HOMER2: variants seen among roughly 807,000 people sequenced by gnomAD.
HOMER2 encodes homer protein homolog 2.
A neutral mutation model predicts 47.0 loss-of-function variants in HOMER2; 27 were observed. The observed-to-expected ratio is 0.57, with a 90% CI of 0.42 to 0.79. HOMER2 has a LOEUF of 0.79. HOMER2 is among the 30% of genes least tolerant of loss of function. The pLI is 0.00. For synonymous variants in HOMER2, 161 were observed against 163.8 expected, an observed-to-expected ratio of 0.98 and a Z score of 0.13; for missense variants, 443 against 435.0, an observed-to-expected ratio of 1.02 and a Z score of -0.16.
chr15:82,967,350 T>C (rs2054683501), intron 1 of HOMER2, among the ~76,000 whole-genome samples: 1 of 152,182 alleles, frequency 6.6e-6, no homozygotes, highest in Admixed American at 6.5e-5. Context: ...GAATAATTTT[T>C]TAGGTATGAT....
At chr15:82,929,923 C>T (rs1328788312) in intron 1 of HOMER2, among the ~76,000 whole-genome samples, 2 of 151,528 alleles carry the variant, frequency 1.3e-5, no homozygotes. Flanking sequence ...AGAGATGGGG[C>T]TTCTCCATGT....
chr15:82,929,672 A>AT lies in HOMER2; in HGVS notation c.5+22858_5+22859insA, dbSNP rs1297565480. 2.9e-4 allele frequency among the ~76,000 whole-genome samples: 44 copies of AT among 151,666 alleles called. 1 individual carries two copies. Among genetic ancestry groups the AT allele is most frequent in the Middle Eastern group, 3.4e-3 (1 of 292 alleles). On this transcript the variant is annotated intron_variant, in intron 1 of 8. Coordinates refer to ENST00000450735, the MANE Select transcript of HOMER2 (RefSeq NM_004839.4). ...GACTATCAAAAAAAAAAAAAAAAAA[A>AT]AAATCAAAGGAAGCCTCGGCTACTA...
chr15:82,985,255 TTAATC>T (rs1282761016), intron 1 of HOMER2, among the ~76,000 whole-genome samples: 1 of 152,104 alleles, frequency 6.6e-6, no homozygotes, highest in African/African-American at 2.4e-5. Flanking sequence ...AACTTGACCT[TTAATC>T]TACAGGCAAC....
chr15:82,907,141 G>C (rs748245740), intron 1 of HOMER2, among the ~76,000 whole-genome samples: 1 of 152,190 alleles, frequency 6.6e-6, no homozygotes, highest in Non-Finnish European at 1.5e-5. Context: ...GATAACTGGA[G>C]AGTCGGGAGT....
chr15:82,907,909 T>C (rs1468608981), intron 1 of HOMER2, among the ~76,000 whole-genome samples: 1 of 152,176 alleles, frequency 6.6e-6, no homozygotes, highest in Non-Finnish European at 1.5e-5. Flanking sequence ...TAGAGTATTA[T>C]TTGGCAATAA....
intron 1 of HOMER2, among the ~76,000 whole-genome samples, chr15:82,950,019 G>A (rs115744912): frequency 1.5e-4 from 23 of 152,168 alleles, no homozygotes; most frequent in African/African-American, 5.5e-4. Context: ...CAGAAGAAGG[G>A]GCCCCTAGTA....
At chr15:82,915,899 C>T (rs192063501) in intron 1 of HOMER2, among the ~76,000 whole-genome samples, 9 of 152,246 alleles carry the variant, frequency 5.9e-5, no homozygotes, top group African/African-American at 9.6e-5. Context: ...ATGATATATC[C>T]GTGCGAAAAG....
chr15:82,946,483 G>A (rs1307514123), intron 1 of HOMER2, among the ~76,000 whole-genome samples: 1 of 152,030 alleles, frequency 6.6e-6, no homozygotes, highest in Non-Finnish European at 1.5e-5. Context: ...CCTGCCTCAG[G>A]GCCTTTACAC....
chr15:82,950,369 GT>G (rs377562070), intron 1 of HOMER2, among the ~76,000 whole-genome samples: 13 of 150,720 alleles, frequency 8.6e-5, no homozygotes, highest in South Asian at 4.2e-4. Context: ...CAGATAGTTT[GT>G]TTTTTTTTCC....
rs1236714123 is a variant in HOMER2, at chr15:82,864,031, T to G, written c.387+136A>C. The G allele has an allele frequency of 5.6e-6, 3 of 533,816 alleles. No individual in the cohort carries two copies. In the East Asian group the frequency reaches 9.3e-5, roughly 16 times the overall value. 33.1% of individuals were successfully genotyped at this position (533,816 alleles called of 1,614,324 possible). A position where few individuals can be genotyped will look rare whatever the true frequency, so the allele number is the denominator to read the frequency against. On this transcript the variant is annotated intron_variant, in intron 4 of 8. Transcript: ENST00000450735. The stretch of plus-strand genomic sequence containing the variant: ...AGAGTCTCATAAAAACATGTCACTG[T>G]GATCAGGCTAATAGTTGAAAAAGCC...
intron 1 of HOMER2, among the ~76,000 whole-genome samples, chr15:82,896,627 C>G (rs1022896111): frequency 1.3e-5 from 2 of 152,214 alleles, no homozygotes; most frequent in Admixed American, 1.3e-4. Context: ...GGCCTCCTGG[C>G]AGCTCCATTC....
chr15:82,978,014 G>T (rs1844712353), intron 1 of HOMER2, among the ~76,000 whole-genome samples: 1 of 152,164 alleles, frequency 6.6e-6, no homozygotes, highest in African/African-American at 2.4e-5. Context: ...GCTGGGCATG[G>T]AAGCAGGCAC....
chr15:82,873,554 G>A (rs866922816), intron 3 of HOMER2, among the ~76,000 whole-genome samples: 54 of 152,358 alleles, frequency 3.5e-4, no homozygotes, highest in Middle Eastern at 6.8e-3. Context: ...ACAAGCCCAG[G>A]AAGTGAGGGA....
Position 82,969,947 on chromosome 15 carries a change from T to A in HOMER2, n.83-10639A>T, listed in dbSNP as rs1468956755. Among the ~76,000 whole-genome samples the A allele has an allele frequency of 2.0e-5, 3 of 152,350 alleles. No individual in the cohort carries two copies. In the East Asian group the frequency reaches 5.8e-4, roughly 29 times the overall value. On this transcript the variant is annotated intron_variant and non_coding_transcript_variant, in intron 1 of 1. Coordinates refer to the HOMER2 transcript ENST00000500334. Reference sequence around the variant, plus strand: ...CCTGCCACACCCATGGAATAAATGTTTGTTTAACTGAAACGAACACAACAG... The same window carrying A: ...CCTGCCACACCCATGGAATAAATGTATGTTTAACTGAAACGAACACAACAG...
intron 1 of HOMER2, among the ~76,000 whole-genome samples, chr15:82,902,693 G>A (rs761689349): frequency 3.3e-5 from 5 of 152,126 alleles, no homozygotes; most frequent in Non-Finnish European, 5.9e-5. Flanking sequence ...AAGACGTCAT[G>A]CCATACCTGA....
chr15:82,926,867 AC>A (rs985469078), intron 1 of HOMER2, among the ~76,000 whole-genome samples: 4 of 151,708 alleles, frequency 2.6e-5, no homozygotes, highest in African/African-American at 7.3e-5. Flanking sequence ...GACAAGCAAG[AC>A]CCTCCCCAAA....
At chr15:82,846,549 C>T (rs1402340491), downstream of HOMER2, 1 of 152,236 alleles carries the variant, frequency 6.6e-6, no homozygotes, top group Non-Finnish European at 1.5e-5. Flanking sequence ...AAAGATACTG[C>T]ATCAAGGTCC....
chr15:82,958,235 G>A (rs1329036010), exon 2 of HOMER2: 1 of 152,256 alleles, frequency 6.6e-6, no homozygotes, highest in Non-Finnish European at 1.5e-5. Flanking sequence ...GAATAAGGTA[G>A]TTCCTGCAGA....
chr15:82,931,620 C>T (rs1246864307), intron 1 of HOMER2, among the ~76,000 whole-genome samples: 4 of 151,362 alleles, frequency 2.6e-5, no homozygotes, highest in South Asian at 2.1e-4. Flanking sequence ...AGGCAGATCA[C>T]GAGGTCAGGA....
Sources: gnomAD v4.1 joint callset for allele counts (sites outside exome capture counted in the v4.1 genomes callset) on GRCh38, gnomAD v4.1.1 for gene constraint, MANE v1.5 for transcripts, NCBI Gene and HGNC (gene_info 2026-07-23, HGNC 2026-07-21) for gene names.